The following ADGRG7 variants were observed in gnomAD, a reference collection of about 807,000 sequenced individuals.
ADGRG7 encodes G-protein coupled receptor 128.
Under a neutral mutation model 88.6 loss-of-function variants are expected in ADGRG7, and 82 were observed. The ratio of observed to expected loss-of-function variants is 0.93; its 90% CI spans 0.77 to 1.11. The LOEUF (loss-of-function observed/expected upper bound fraction) is 1.11, where lower values mean the gene tolerates loss of function less well. ADGRG7 is among the 50% of genes most tolerant of loss of function. The pLI, the probability that ADGRG7 is intolerant of heterozygous loss-of-function variation, is 0.00. For synonymous variants in ADGRG7, 381 were observed against 345.2 expected (o/e 1.10, Z -1.15); for missense variants, 945 against 953.4 (o/e 0.99, Z 0.12).
intron 1 of ADGRG7, among the ~76,000 whole-genome samples, chr3:100,618,416 G>T (rs558166337): frequency 6.6e-6 from 1 of 152,278 alleles, no homozygotes; most frequent in African/African-American, 2.4e-5. Context: ...AAGGGATCTA[G>T]TTTCAGCTTT....
At chr3:100,635,957 A>G (rs2149019929) in intron 5 of ADGRG7, 131 bp downstream of exon 5, 1 of 664,404 alleles carries the variant, frequency 1.5e-6, no homozygotes, top group East Asian at 2.8e-5. Flanking sequence ...AGTTGCTTAA[A>G]GGCATTTTGC....
intron 14 of ADGRG7, among the ~76,000 whole-genome samples, chr3:100,662,493 C>T (rs2094946796): frequency 6.6e-6 from 1 of 152,028 alleles, no homozygotes. Context: ...GCATCAACAC[C>T]AGAACAAAGT....
At chr3:100,661,530 A>G (rs2094945281) in intron 14 of ADGRG7, among the ~76,000 whole-genome samples, 1 of 152,202 alleles carries the variant, frequency 6.6e-6, no homozygotes, top group Admixed American at 6.5e-5. Flanking sequence ...AAATTGTGCC[A>G]GTTGTTGGTT....
intron 15 of ADGRG7, among the ~76,000 whole-genome samples, chr3:100,692,799 T>C (rs2094996146): frequency 1.3e-5 from 2 of 152,158 alleles, no homozygotes; most frequent in African/African-American, 2.4e-5. Context: ...AGAACTTACA[T>C]AGTATGTTAA....
At chr3:100,675,006 G>A (rs1298392749) in intron 15 of ADGRG7, among the ~76,000 whole-genome samples, 1 of 151,884 alleles carries the variant, frequency 6.6e-6, no homozygotes, top group Non-Finnish European at 1.5e-5. Context: ...GTGGAGTCTA[G>A]TTTTCTCCAA....
intron 10 of ADGRG7, among the ~76,000 whole-genome samples, chr3:100,648,610 G>A (rs961492813): frequency 6.6e-6 from 1 of 152,060 alleles, no homozygotes; most frequent in Non-Finnish European, 1.5e-5. Context: ...GCAAACCCCT[G>A]TATGTTTGTG....
chr3:100,660,129 G>T (rs79351819), intron 14 of ADGRG7, among the ~76,000 whole-genome samples: 3,408 of 152,108 alleles, frequency 0.022, 133 homozygotes, highest in African/African-American at 0.079. Context: ...AAAAATTTTC[G>T]TCCCTTATCC....
chr3:100,658,495 T>C (rs1411790679), intron 13 of ADGRG7, among the ~76,000 whole-genome samples: 1 of 152,182 alleles, frequency 6.6e-6, no homozygotes, highest in Non-Finnish European at 1.5e-5. Context: ...AGCTCCTACA[T>C]AATTTGTATC....
intron 6 of ADGRG7, among the ~76,000 whole-genome samples, chr3:100,639,426 A>T (rs1412351150): frequency 2.0e-5 from 3 of 152,236 alleles, no homozygotes; most frequent in African/African-American, 7.2e-5. Flanking sequence ...CACAAAATAG[A>T]GCATTCAAAG....
At chr3:100,665,672 G>A (rs897446687) in intron 14 of ADGRG7, among the ~76,000 whole-genome samples, 3 of 152,248 alleles carry the variant, frequency 2.0e-5, no homozygotes, top group African/African-American at 7.2e-5. Flanking sequence ...AACATAAGTG[G>A]TGAGAGTGGA....
At chr3:100,636,751 G>A (rs1707549648) in intron 5 of ADGRG7, among the ~76,000 whole-genome samples, 2 of 152,188 alleles carry the variant, frequency 1.3e-5, no homozygotes, top group African/African-American at 4.8e-5. Context: ...AGAATTAATG[G>A]AAGGATTAAC....
At chr3:100,617,842 G>A (rs1707247309) in intron 1 of ADGRG7, among the ~76,000 whole-genome samples, 2 of 152,174 alleles carry the variant, frequency 1.3e-5, no homozygotes, top group South Asian at 4.2e-4. Context: ...CAGTGTAAAA[G>A]TGTTCCTATT....
At chr3:100,649,116 C>T (rs546321169) in intron 10 of ADGRG7, among the ~76,000 whole-genome samples, 30 of 152,226 alleles carry the variant, frequency 2.0e-4, no homozygotes, top group Admixed American at 5.9e-4. Flanking sequence ...AGTGAGGCAA[C>T]TTTTGACAAT....
intron 4 of ADGRG7, 134 bp from the exon 5 acceptor site, chr3:100,635,543 T>C: frequency 6.8e-7 from 1 of 1,470,676 alleles, no homozygotes; most frequent in Non-Finnish European, 9.0e-7. Context: ...GATGCAAACG[T>C]GGAAAACTGA....
rs145442070 is a variant in ADGRG7 at position 100,651,484 on chromosome 3, TC to T, written c.1379+1678del. On this transcript the variant is annotated intron_variant, in intron 11 of 15. Transcript: ENST00000273352. Reference sequence around the variant, plus strand: ...TTTGTCATCAGATTTTTTTCCTCTTTCATCAATATGTTTTCTAGCACAATTA... The same window carrying T: ...TTTGTCATCAGATTTTTTTCCTCTTTATCAATATGTTTTCTAGCACAATTA... Among the ~76,000 whole-genome samples the T allele has an allele frequency of 6.4e-3, 977 of 152,278 alleles. 11 individuals are homozygous for T. The highest frequency in any genetic ancestry group is 0.022 in the African/African-American group (929 of 41,558).
intron 15 of ADGRG7, among the ~76,000 whole-genome samples, chr3:100,673,680 A>G (rs540798843): frequency 2.6e-5 from 4 of 152,002 alleles, no homozygotes; most frequent in Non-Finnish European, 4.4e-5. Context: ...GCTGGTCCCA[A>G]ACTCCTGACC....
At chr3:100,643,114 A>G (rs1049973565) in intron 6 of ADGRG7, 152 bp from the exon 7 acceptor site, 24 of 716,048 alleles carry the variant, frequency 3.4e-5, no homozygotes, top group Non-Finnish European at 4.5e-5. Context: ...AAAACTCTAG[A>G]AAAGAAAACC....
intron 5 of ADGRG7, among the ~76,000 whole-genome samples, chr3:100,636,350 A>G (rs1340102503): frequency 6.6e-6 from 1 of 152,244 alleles, no homozygotes; most frequent in Non-Finnish European, 1.5e-5. Context: ...TGTTTCAAGA[A>G]TTTAATTTGG....
intron 1 of ADGRG7, among the ~76,000 whole-genome samples, chr3:100,624,179 T>A (rs540816994): frequency 8.0e-4 from 122 of 152,326 alleles, no homozygotes; most frequent in African/African-American, 2.9e-3. Context: ...TTCCTATTTC[T>A]CCACAGCCTT....
Sources: gnomAD v4.1 joint callset for allele counts (sites outside exome capture counted in the v4.1 genomes callset) on GRCh38, gnomAD v4.1.1 for gene constraint, MANE v1.5 for transcripts, NCBI Gene and HGNC (gene_info 2026-07-23, HGNC 2026-07-21) for gene names.